LRRC59: variants seen among roughly 807,000 people sequenced by gnomAD.
LRRC59 encodes leucine rich repeat containing 59.
Under a neutral mutation model 33.5 loss-of-function variants are expected in LRRC59, and 18 were observed. The ratio of observed to expected loss-of-function variants is 0.54; its 90% CI spans 0.37 to 0.80. The LOEUF is 0.80. Among genes scored for constraint, LRRC59 ranks in the 30% least tolerant of loss-of-function variants. The probability of loss-of-function intolerance (pLI) is 0.00; values close to 1 mark genes in which losing one functional copy is unlikely to be tolerated. For synonymous variants in LRRC59, 138 were observed against 160.0 expected (o/e 0.86, Z 1.04); for missense variants, 330 against 391.9 (o/e 0.84, Z 1.33).
Position 50,392,520 on chromosome 17 carries a change from G to A in LRRC59, c.325-18C>T. The A allele has an allele frequency of 1.3e-6, 2 of 1,592,294 alleles. No homozygotes were observed. The highest frequency in any genetic ancestry group is 1.7e-6 in the Non-Finnish European group (2 of 1,160,364). On this transcript the variant is annotated intron_variant, in intron 3 of 6. Transcript: ENST00000225972. ...TTCAGGTTCTAAAGAGATGGGCGATGGGCAAAGAGGCTCATTAAGCCCGAG... is the reference window on the plus strand; with the variant it reads ...TTCAGGTTCTAAAGAGATGGGCGATAGGCAAAGAGGCTCATTAAGCCCGAG...
intron 4 of LRRC59, among the ~76,000 whole-genome samples, chr17:50,389,479 G>C (rs1196951992): frequency 6.6e-6 from 1 of 152,132 alleles, no homozygotes; most frequent in Non-Finnish European, 1.5e-5. Flanking sequence ...TACTTCTATG[G>C]AGTGTTGTGA....
At chr17:50,384,827 GACCCTC>G (rs567074853) in intron 6 of LRRC59, among the ~76,000 whole-genome samples, 181 of 149,558 alleles carry the variant, frequency 1.2e-3, no homozygotes, top group Non-Finnish European at 2.1e-3. Flanking sequence ...AATGATTTTA[GACCCTC>G]ACCTCTAAAA....
rs569812661 is a variant in LRRC59, at chr17:50,384,670, C to A, written c.676+448G>T. 2.4e-4 allele frequency among the ~76,000 whole-genome samples: 36 copies of A among 150,222 alleles called. 1 individual carries two copies. In the South Asian group the frequency reaches 7.3e-3, roughly 30 times the overall value. On this transcript the variant is annotated intron_variant, in intron 6 of 6. Coordinates refer to ENST00000225972, the MANE Select transcript of LRRC59 (RefSeq NM_018509.4). ...ATCCCAGCTACTTTGGAGGTTGAGG[C>A]AAGAGAATCTCTTGAACCCAGGAGA...
intron 6 of LRRC59, among the ~76,000 whole-genome samples, chr17:50,384,281 C>T (rs1913947011): frequency 6.6e-6 from 1 of 152,064 alleles, no homozygotes; most frequent in Non-Finnish European, 1.5e-5. Context: ...CTGCTTCAGC[C>T]TCCCAAGTAG....
chr17:50,395,090 GA>G, intron 1 of LRRC59, 102 bp from the exon 2 acceptor site: 2 of 776,894 alleles, frequency 2.6e-6, no homozygotes, highest in Non-Finnish European at 4.4e-6. Context: ...CCATGATTAG[GA>G]AAGGCCTTTT....
In LRRC59 at chr17:50,389,156, A is replaced by G. The variant is rs74519553; in HGVS notation, c.430-1024T>C. Among the ~76,000 whole-genome samples, 15 of 152,236 alleles carry G rather than the reference A, an allele frequency of 9.9e-5. No individual in the cohort carries two copies. The East Asian group carries it at 2.5e-3, about 25-fold the overall frequency. Reference sequence around the variant, plus strand: ...AGCTTGTCGCACACACTTTCACCACATGCAGAGGAGAGCTCCGAGAGAAGC... The same window carrying G: ...AGCTTGTCGCACACACTTTCACCACGTGCAGAGGAGAGCTCCGAGAGAAGC... On this transcript the variant is annotated intron_variant, in intron 4 of 6. Transcript: ENST00000225972.
At chr17:50,394,853 C>T in intron 2 of LRRC59, 76 bp downstream of exon 2, 1 of 1,030,970 alleles carries the variant, frequency 9.7e-7, no homozygotes, top group East Asian at 2.7e-5. Flanking sequence ...CCCTCCCACC[C>T]CCCTCTCAAC....
At position 50,392,884 on chromosome 17, in the gene LRRC59, C is replaced by T. The variant is rs1179769587; in HGVS notation, c.179G>A (p.Gly60Asp). The stretch of plus-strand genomic sequence containing the variant: ...GTCTAGCTTCACCAGGTGTGTGAGG[C>T]CACAGAAATCCGACTAGGATCCAAA... Reference protein sequence around the residue: ...KLTTLPSDFCGLTHLVKLDLS... With the variant: ...KLTTLPSDFCDLTHLVKLDLS... Residue 60 changes from glycine (G) to aspartate (D), a missense_variant, in exon 3 of 7, where the codon GGC (glycine) becomes GAC (aspartate). Physicochemically the swap from Gly to Asp is moderately conservative, Grantham distance 94 (BLOSUM62 -1). Transcript: ENST00000225972. 6.2e-7 allele frequency: 1 copy of T among 1,613,278 alleles called. No homozygotes were observed. The highest frequency in any genetic ancestry group is 8.5e-7 in the Non-Finnish European group (1 of 1,179,246).
At chr17:50,383,703 G>T (rs1255393602) in intron 6 of LRRC59, among the ~76,000 whole-genome samples, 1 of 152,214 alleles carries the variant, frequency 6.6e-6, no homozygotes, top group South Asian at 2.1e-4. Flanking sequence ...AGGAATGGGG[G>T]AGTACAGGTG....
At chr17:50,386,552 A>G (rs370263467) in intron 5 of LRRC59, among the ~76,000 whole-genome samples, 1 of 152,190 alleles carries the variant, frequency 6.6e-6, no homozygotes, top group African/African-American at 2.4e-5. Context: ...CTGCTTCTCC[A>G]TGTAGAAACA....
intron 2 of LRRC59, among the ~76,000 whole-genome samples, chr17:50,394,552 C>T (rs867105387): frequency 1.1e-4 from 16 of 152,142 alleles, no homozygotes; most frequent in Non-Finnish European, 2.1e-4. Flanking sequence ...CTCCCTGGAA[C>T]GCAGAGCAAC....
In LRRC59 at chr17:50,392,407, A is replaced by G; in HGVS notation, c.420T>C (p.Cys140=). Residue 140 remains cysteine, a synonymous_variant, in exon 4 of 7, where the codon TGT becomes TGC. Transcript: ENST00000225972. Reference sequence around the variant, plus strand: ...GGAGCTTGGTGCTTACCTTGTTTGCACACTGCTTACACTGCTTCTCATCCA... The same window carrying G: ...GGAGCTTGGTGCTTACCTTGTTTGCGCACTGCTTACACTGCTTCTCATCCA... The part of the protein sequence containing the change: ...DCLDEKQCKQ[C]ANKVLQHMKA... The G allele has an allele frequency of 1.2e-6, 2 of 1,613,908 alleles. No homozygotes were observed. Among genetic ancestry groups the G allele is most frequent in the Non-Finnish European group, 1.7e-6 (2 of 1,179,892 alleles).
At chr17:50,396,998 T>G (rs1598372012) in intron 1 of LRRC59, 3 of 414,208 alleles carry the variant, frequency 7.2e-6, no homozygotes, top group Non-Finnish European at 1.3e-5. Flanking sequence ...GAAGCAGATC[T>G]TCCCTATGTT....
At position 50,397,498 on chromosome 17, in the gene LRRC59, G is replaced by A. The variant is rs544633216; in HGVS notation, c.-181C>T. ...CCGAGCCTCGCGCCTAGCTCCCACCGGTGCCGCGACGACGACCACTTCCGT... is the reference window on the plus strand; with the variant it reads ...CCGAGCCTCGCGCCTAGCTCCCACCAGTGCCGCGACGACGACCACTTCCGT... On this transcript the variant is annotated 5_prime_UTR_variant, in exon 1 of 7. Transcript: ENST00000225972. The A allele has an allele frequency of 6.3e-5, 32 of 504,880 alleles. No individual in the cohort carries two copies. The highest frequency in any genetic ancestry group is 5.6e-4 in the South Asian group (22 of 39,130). 31.3% of individuals were successfully genotyped at this position (504,880 alleles called of 1,614,324 possible).
chr17:50,388,863 T>C (rs1041264687), intron 4 of LRRC59, among the ~76,000 whole-genome samples: 3 of 152,182 alleles, frequency 2.0e-5, no homozygotes, highest in Admixed American at 6.5e-5. Context: ...ACACAGGACA[T>C]TGTAGCTACT....
At chr17:50,385,690 A>G (rs1296321655) in intron 5 of LRRC59, among the ~76,000 whole-genome samples, 1 of 152,228 alleles carries the variant, frequency 6.6e-6, no homozygotes, top group Non-Finnish European at 1.5e-5. Flanking sequence ...TGGGACTCCT[A>G]TCTTCCCAAG....
At chr17:50,391,685 C>A (rs923435682) in intron 4 of LRRC59, among the ~76,000 whole-genome samples, 1 of 152,210 alleles carries the variant, frequency 6.6e-6, no homozygotes, top group Non-Finnish European at 1.5e-5. Context: ...TAATCAAATA[C>A]CAGGTCTGCC....
chr17:50,393,260 C>G (rs1054610792), intron 2 of LRRC59, among the ~76,000 whole-genome samples: 3 of 152,096 alleles, frequency 2.0e-5, no homozygotes, highest in Admixed American at 1.3e-4. Flanking sequence ...TGATAATTAC[C>G]AAGATATGTA....
rs1914055933 is a variant in LRRC59, at chr17:50,388,139, A to G, written c.430-7T>C. 6.2e-7 allele frequency: 1 copy of G among 1,613,942 alleles called. No individual in the cohort carries two copies. Among genetic ancestry groups the G allele is most frequent in the Non-Finnish European group, 8.5e-7 (1 of 1,179,820 alleles). On this transcript the variant is annotated splice_region_variant and splice_polypyrimidine_tract_variant and intron_variant, in intron 4 of 6. Transcript: ENST00000225972. ...CCTTCATGTGCTGTAACACCTGCAA[A>G]GGAAAAGGAGGAAAGTAGTGCTCTT...
Sources: gnomAD v4.1 joint callset for allele counts (sites outside exome capture counted in the v4.1 genomes callset) on GRCh38, gnomAD v4.1.1 for gene constraint, MANE v1.5 for transcripts, NCBI Gene and HGNC (gene_info 2026-07-23, HGNC 2026-07-21) for gene names.